Variants in LMO7 observed in about 807,000 individuals in gnomAD.
LMO7 encodes LIM domain 7.
A neutral mutation model predicts 206.5 loss-of-function variants in LMO7; 120 were observed. The observed-to-expected ratio is 0.58, with a 90% CI of 0.50 to 0.68. LMO7 has a LOEUF of 0.68. LMO7 is among the 30% of genes least tolerant of loss of function. The pLI is 0.00. For synonymous variants in LMO7, 706 were observed against 681.5 expected (o/e 1.04, Z -0.56); for missense variants, 1,959 against 1,957.9 (o/e 1.00, Z -0.01).
chr13:75,770,391 C>G (rs1054913691), intron 4 of LMO7, among the ~76,000 whole-genome samples: 1 of 151,972 alleles, frequency 6.6e-6, no homozygotes, highest in South Asian at 2.1e-4. Flanking sequence ...CTATTGAGTC[C>G]TCTCAGTTGT....
intron 15 of LMO7, among the ~76,000 whole-genome samples, chr13:75,831,363 A>C (rs2058655139): frequency 6.6e-6 from 1 of 152,168 alleles, no homozygotes; most frequent in Non-Finnish European, 1.5e-5. Context: ...ATGTATGTCA[A>C]ACAATTGAAT....
At chr13:75,846,685 AT>A (rs2139425686) in intron 26 of LMO7, among the ~76,000 whole-genome samples, 2 of 152,264 alleles carry the variant, frequency 1.3e-5, no homozygotes, top group South Asian at 4.1e-4. Context: ...ATTATTTTGT[AT>A]ATATGTTTTC....
At chr13:75,811,845 T>C (rs906869130) in intron 11 of LMO7, among the ~76,000 whole-genome samples, 1 of 152,216 alleles carries the variant, frequency 6.6e-6, no homozygotes, top group Non-Finnish European at 1.5e-5. Context: ...TAATCTTGTA[T>C]GTGATTAAGC....
intron 4 of LMO7, among the ~76,000 whole-genome samples, chr13:75,778,811 C>T (rs1393490547): frequency 6.6e-6 from 1 of 152,086 alleles, no homozygotes; most frequent in Non-Finnish European, 1.5e-5. Flanking sequence ...ATTGCTAGGG[C>T]AAGGGCTTTC....
chr13:75,842,982 C>A, intron 25 of LMO7, 66 bp downstream of exon 25: 1 of 1,004,346 alleles, frequency 1.0e-6, no homozygotes. Flanking sequence ...CCAGAGCTTG[C>A]ATCGATGATT....
At chr13:75,664,543 A>G (rs1464401698) in intron 1 of LMO7, among the ~76,000 whole-genome samples, 1 of 152,150 alleles carries the variant, frequency 6.6e-6, no homozygotes, top group Admixed American at 6.5e-5. Flanking sequence ...GTATATACCT[A>G]AGAGTGGGAT....
chr13:75,713,505 A>G (rs2043284697), intron 2 of LMO7, among the ~76,000 whole-genome samples: 1 of 152,170 alleles, frequency 6.6e-6, no homozygotes, highest in Non-Finnish European at 1.5e-5. Context: ...GAAAGATTCT[A>G]TTGCATGGTG....
intron 23 of LMO7, 126 bp downstream of exon 23, chr13:75,841,327 A>C: frequency 1.5e-6 from 1 of 658,804 alleles, no homozygotes; most frequent in Admixed American, 3.2e-5. Context: ...AGCTCTTTGA[A>C]AAATACAATG....
At chr13:75,642,430 C>T (rs1158300621) in intron 1 of LMO7, among the ~76,000 whole-genome samples, 1 of 139,912 alleles carries the variant, frequency 7.1e-6, no homozygotes, top group African/African-American at 2.7e-5. Flanking sequence ...CATAGCAAGA[C>T]CCCATCTCTA....
intron 3 of LMO7, 151 bp downstream of exon 3, chr13:75,727,249 T>G (rs1473447693): frequency 4.2e-6 from 2 of 472,160 alleles, no homozygotes; most frequent in Non-Finnish European, 7.6e-6. Context: ...GTCCTCCTTT[T>G]ATCTGCAGTT....
At chr13:75,793,527 C>T (rs1322622572) in intron 4 of LMO7, among the ~76,000 whole-genome samples, 1 of 152,182 alleles carries the variant, frequency 6.6e-6, no homozygotes, top group African/African-American at 2.4e-5. Flanking sequence ...GCACCCTCCT[C>T]AGCCTCCCAA....
chr13:75,720,173 T>C (rs1389842158), intron 2 of LMO7, among the ~76,000 whole-genome samples: 1 of 152,212 alleles, frequency 6.6e-6, no homozygotes, highest in Admixed American at 6.5e-5. Flanking sequence ...TGGCCCATTT[T>C]TTAATCAGAT....
At chr13:75,727,157 G>T in intron 3 of LMO7, 59 bp downstream of exon 3, 2 of 1,089,580 alleles carry the variant, frequency 1.8e-6, no homozygotes, top group Non-Finnish European at 2.7e-6. Flanking sequence ...TAAAGAGGTG[G>T]GCATAGGCAG....
intron 1 of LMO7, among the ~76,000 whole-genome samples, chr13:75,676,953 G>A (rs1387818734): frequency 6.6e-6 from 1 of 152,126 alleles, no homozygotes; most frequent in Non-Finnish European, 1.5e-5. Flanking sequence ...TAAAAGCTAT[G>A]AAGTTTTACT....
In LMO7 at chr13:75,817,327, T is replaced by C. The variant is rs773129744; in HGVS notation, c.2064+49T>C. ...GGAGAGAGTGTATTTGTCTAACTTT[T>C]CTTTGCTTCTCTTAAAGTCAATATA... is the stretch of plus-strand genomic sequence containing the variant. On this transcript the variant is annotated intron_variant, in intron 12 of 30. Coordinates refer to ENST00000377534, the MANE Select transcript of LMO7 (RefSeq NM_001306080.2). 2.5e-6 allele frequency: 3 copies of C among 1,181,708 alleles called. No individual in the cohort carries two copies. The East Asian group carries it at 7.0e-5, about 28-fold the overall frequency. 73.2% of individuals were successfully genotyped at this position (1,181,708 alleles called of 1,614,324 possible).
intron 2 of LMO7, among the ~76,000 whole-genome samples, chr13:75,625,835 T>C (rs115462193): frequency 0.03 from 4,544 of 152,316 alleles, 87 homozygotes; most frequent in African/African-American, 0.044. Flanking sequence ...CCTTGTTTCA[T>C]AGGGAATCTT....
intron 3 of LMO7, among the ~76,000 whole-genome samples, chr13:75,758,902 A>G (rs1022351512): frequency 4.6e-5 from 7 of 152,184 alleles, no homozygotes; most frequent in Non-Finnish European, 8.8e-5. Flanking sequence ...CTTTATTGAT[A>G]TGAGACTTGC....
chr13:75,801,370 T>G (rs549445304), intron 7 of LMO7, among the ~76,000 whole-genome samples: 8 of 152,296 alleles, frequency 5.3e-5, no homozygotes, highest in African/African-American at 1.9e-4. Context: ...AAGAAATGAT[T>G]GCTATCTATC....
At chr13:75,826,290 T>G (rs1458178578) in intron 15 of LMO7, among the ~76,000 whole-genome samples, 1 of 152,084 alleles carries the variant, frequency 6.6e-6, no homozygotes, top group Non-Finnish European at 1.5e-5. Context: ...GATCCATCCA[T>G]CTTGGCCTCC....
Sources: gnomAD v4.1 joint callset for allele counts (sites outside exome capture counted in the v4.1 genomes callset) on GRCh38, gnomAD v4.1.1 for gene constraint, MANE v1.5 for transcripts, NCBI Gene and HGNC (gene_info 2026-07-23, HGNC 2026-07-21) for gene names.